The following TOR1A variants were observed in gnomAD, a reference collection of about 807,000 sequenced individuals.
TOR1A encodes the protein torsin family 1 member A.
A neutral mutation model predicts 31.4 loss-of-function variants in TOR1A; 18 were observed. The observed-to-expected ratio is 0.57, with a 90% CI of 0.40 to 0.85. The LOEUF (loss-of-function observed/expected upper bound fraction) is 0.85, where lower values mean the gene tolerates loss of function less well. Among genes scored for constraint, TOR1A ranks in the 40% least tolerant of loss-of-function variants. The pLI, the probability that TOR1A is intolerant of heterozygous loss-of-function variation, is 0.00. For missense variants in TOR1A, 375 were observed against 416.4 expected, an observed-to-expected ratio of 0.90 and a Z score of 0.87; for synonymous variants, 168 against 165.9, an observed-to-expected ratio of 1.01 and a Z score of -0.10.
At chr9:129,819,369 C>T (rs1327468212) in intron 2 of TOR1A, among the ~76,000 whole-genome samples, 3 of 152,164 alleles carry the variant, frequency 2.0e-5, no homozygotes, top group Non-Finnish European at 4.4e-5. Flanking sequence ...CCTGTAATCC[C>T]AGCACTTTGG....
At chr9:129,817,964 C>G (rs1383044143) in intron 4 of TOR1A, among the ~76,000 whole-genome samples, 1 of 151,962 alleles carries the variant, frequency 6.6e-6, no homozygotes, top group Non-Finnish European at 1.5e-5. Flanking sequence ...CTCCAGTGAG[C>G]TGAGATCACA....
At chr9:129,814,350 C>T (rs2030978588) in intron 4 of TOR1A, 128 bp from the exon 5 acceptor site, 1 of 1,417,524 alleles carries the variant, frequency 7.1e-7, no homozygotes, top group East Asian at 2.4e-5. Context: ...CTATCCATGC[C>T]ACACACACCT....
At chr9:129,822,879 AG>A in intron 1 of TOR1A, 33 bp from the exon 2 acceptor site, 1 of 1,614,140 alleles carries the variant, frequency 6.2e-7, no homozygotes, top group Non-Finnish European at 8.5e-7. Flanking sequence ...GGAGTGGGGA[AG>A]AAACAGCGGC....
intron 4 of TOR1A, among the ~76,000 whole-genome samples, chr9:129,816,169 A>C (rs1199282989): frequency 6.6e-6 from 1 of 152,110 alleles, no homozygotes; most frequent in Non-Finnish European, 1.5e-5. Context: ...CCCCAAGCAC[A>C]GGCCCCCCTC....
chr9:129,818,522 T>G lies in TOR1A; in HGVS notation c.746A>C (p.Asn249Thr), dbSNP rs2031097850. The G allele has an allele frequency of 6.2e-7, 1 of 1,613,980 alleles. No homozygotes were observed. The highest frequency in any genetic ancestry group is 8.5e-7 in the Non-Finnish European group (1 of 1,180,034). The change falls in exon 4 of 5, where the codon AAC (asparagine) becomes ACC (threonine). Residue 249 changes from asparagine (N) to threonine (T), a missense_variant and splice_region_variant. Asn to Thr is a moderately conservative substitution (Grantham distance 65). Transcript: ENST00000351698. ...TGGCGGTGGATGGCCCTACTCACTG[T>G]TCTTGTTATTGAAAACCGACACAGA... is the stretch of plus-strand genomic sequence containing the variant. ...ALSVSVFNNKNSGFWHSSLID... is the reference protein window; with the variant it reads ...ALSVSVFNNKTSGFWHSSLID...
rs2030966804 is a variant in TOR1A, at chr9:129,814,040, C to T, written c.931G>A (p.Glu311Lys). 2 of 1,614,082 alleles carry T rather than the reference C, an allele frequency of 1.2e-6. No individual in the cohort carries two copies. The highest frequency in any genetic ancestry group is 1.7e-6 in the Non-Finnish European group (2 of 1,180,046). Reference protein sequence around the residue: ...AEEMTFFPKEERVFSDKGCKT... With the variant: ...AEEMTFFPKEKRVFSDKGCKT... The stretch of plus-strand genomic sequence containing the variant: ...CAGCCTTTATCTGAGAAAACTCTCT[C>T]CTCTTTGGGGAAAAATGTCATCTCC... The change falls in exon 5 of 5, where the codon GAG becomes AAG. Residue 311 changes from glutamate to lysine, a missense_variant. Transcript: ENST00000351698.
chr9:129,820,180 G>A (rs1389786349), intron 2 of TOR1A, among the ~76,000 whole-genome samples: 1 of 151,806 alleles, frequency 6.6e-6, no homozygotes, highest in Non-Finnish European at 1.5e-5. Context: ...GGAGTGCAAT[G>A]ACATGATCTC....
chr9:129,818,891 G>A lies in TOR1A; in HGVS notation c.474C>T (p.Asn158=), dbSNP rs774198905. Residue 158 remains asparagine (N), a synonymous_variant, in exon 3 of 5, where the codon AAC becomes AAT. Coordinates refer to ENST00000351698, the MANE Select transcript of TOR1A (RefSeq NM_000113.3). ...KDQLQLWIRG[N]VSACARSIFI... ...AGATGGACCTCGCACAGGCACTCAC[G>A]TTGCCTCGAATCCACAACTGTAACT... 5.6e-6 allele frequency: 9 copies of A among 1,613,636 alleles called. No individual in the cohort carries two copies. The highest frequency in any genetic ancestry group is 1.1e-5 in the South Asian group (1 of 91,080).
chr9:129,818,015 T>C (rs1161730330), intron 4 of TOR1A, among the ~76,000 whole-genome samples: 1 of 149,174 alleles, frequency 6.7e-6, no homozygotes, highest in African/African-American at 2.5e-5. Context: ...AGACTCTGTC[T>C]CAAAAAATAA....
At chr9:129,816,224 A>G (rs573667074) in intron 4 of TOR1A, among the ~76,000 whole-genome samples, 1 of 152,224 alleles carries the variant, frequency 6.6e-6, no homozygotes, top group South Asian at 2.1e-4. Context: ...CTTTTCCCTC[A>G]GACATCCACA....
In TOR1A at chr9:129,817,404, G is replaced by A. The variant is rs150967329; in HGVS notation, c.748+1116C>T. Among the ~76,000 whole-genome samples, 495 of 152,290 alleles carry A rather than the reference G, an allele frequency of 3.3e-3. 6 individuals are homozygous for A. The highest frequency in any genetic ancestry group is 0.011 in the African/African-American group (470 of 41,574). On this transcript the variant is annotated intron_variant, in intron 4 of 4. Coordinates refer to ENST00000351698, the MANE Select transcript of TOR1A (RefSeq NM_000113.3). ...CTACAAAGAAAATCATGTAGCTGAA[G>A]AAAATGGGGGAACTGGCCAGGCGTG...
chr9:129,815,014 C>T lies in TOR1A; in HGVS notation c.749-792G>A, dbSNP rs563798835. ...AATGCGGGCTGGCTCTGCACTGACC[C>T]GTCCACTCCTCCTGGGCTCCTGGAA... On this transcript the variant is annotated intron_variant, in intron 4 of 4. Transcript: ENST00000351698. Among the ~76,000 whole-genome samples the T allele has an allele frequency of 2.0e-5, 3 of 152,340 alleles. 1 individual carries two copies. The highest frequency in any genetic ancestry group is 4.1e-4 in the South Asian group (2 of 4,824).
chr9:129,813,762 G>A lies in TOR1A; in HGVS notation c.*210C>T, dbSNP rs559295198. The A allele has an allele frequency of 6.2e-4, 411 of 666,460 alleles. 1 individual carries two copies. Among genetic ancestry groups the A allele is most frequent in the East Asian group, 2.5e-4 (9 of 36,460 alleles). 41.3% of individuals were successfully genotyped at this position (666,460 alleles called of 1,614,324 possible). On this transcript the variant is annotated 3_prime_UTR_variant, in exon 5 of 5. Coordinates refer to ENST00000351698, the MANE Select transcript of TOR1A (RefSeq NM_000113.3). Reference sequence around the variant, plus strand: ...TGGCTCCTTCCTTCTGTGCGTGTTCGGGAGGCTTCACGTCCTCGCCCGTGG... The same window carrying A: ...TGGCTCCTTCCTTCTGTGCGTGTTCAGGAGGCTTCACGTCCTCGCCCGTGG...
Position 129,818,727 on chromosome 9 carries a change from T to A in TOR1A, c.620+18A>T, listed in dbSNP as rs1462225790. 6.2e-7 allele frequency: 1 copy of A among 1,613,718 alleles called. No homozygotes were observed. The highest frequency in any genetic ancestry group is 1.7e-5 in the Admixed American group (1 of 60,020). ...TTGGGCTCGGGGCCCATCCATCATG[T>A]CCTAGCCCTGACCTTACCTGAGAAA... On this transcript the variant is annotated intron_variant, in intron 3 of 4. Transcript: ENST00000351698.
intron 1 of TOR1A, among the ~76,000 whole-genome samples, chr9:129,823,099 TGCCACC>T (rs1294526480): frequency 6.6e-6 from 1 of 152,154 alleles, no homozygotes; most frequent in African/African-American, 2.4e-5. Flanking sequence ...CCACTGCCAC[TGCCACC>T]AGTTTGCACC....
At chr9:129,822,342 A>G (rs1353018265) in intron 2 of TOR1A, 4 of 577,076 alleles carry the variant, frequency 6.9e-6, no homozygotes, top group Non-Finnish European at 1.3e-5. Context: ...CACCTCTAAA[A>G]TCCCATGACC....
At position 129,814,298 on chromosome 9, in the gene TOR1A, C is replaced by A. The variant is rs557179751; in HGVS notation, c.749-76G>T. 38 of 1,606,386 alleles carry A rather than the reference C, an allele frequency of 2.4e-5. No homozygotes were observed. The African/African-American group carries it at 3.6e-4, about 15-fold the overall frequency. On this transcript the variant is annotated intron_variant, in intron 4 of 4. Transcript: ENST00000351698. ...ATAGACGCCTCCTGGGGGTCACTTA[C>A]CTACCCTCCCATCCGTCCCACAAAC...
chr9:129,821,553 G>A (rs2031184493), intron 2 of TOR1A: 1 of 152,244 alleles, frequency 6.6e-6, no homozygotes, highest in Non-Finnish European at 1.5e-5. Flanking sequence ...AAATCCAGAT[G>A]TGTCTGCTGC....
intron 1 of TOR1A, among the ~76,000 whole-genome samples, chr9:129,823,146 A>G (rs182082714): frequency 2.6e-5 from 4 of 152,206 alleles, no homozygotes; most frequent in African/African-American, 9.6e-5. Context: ...TCCCACCCCA[A>G]GGCAGAGCCG....
Sources: allele counts gnomAD v4.1 joint callset (sites outside exome capture counted in the v4.1 genomes callset), GRCh38; gene constraint gnomAD v4.1.1; transcripts MANE v1.5; gene names NCBI Gene and HGNC (gene_info 2026-07-23, HGNC 2026-07-21).